STRADA: variants seen among roughly 807,000 people sequenced by gnomAD.
The protein encoded by STRADA is STE20 related adaptor alpha.
Under a neutral mutation model 55.0 loss-of-function variants are expected in STRADA, and 26 were observed. The observed-to-expected ratio is 0.47, with a 90% confidence interval of 0.35 to 0.66. The LOEUF (loss-of-function observed/expected upper bound fraction) is 0.66. Ranked by LOEUF, STRADA falls within the 30% of genes least tolerant of loss-of-function variation. The pLI, the probability that STRADA is intolerant of heterozygous loss-of-function variation, is 0.01. For synonymous variants in STRADA, 197 were observed against 210.9 expected (o/e 0.93, Z 0.57); for missense variants, 443 against 549.7 (o/e 0.81, Z 1.94).
intron 3 of STRADA, chr17:63,726,031 A>G (rs919721829): frequency 6.6e-6 from 1 of 152,228 alleles, no homozygotes; most frequent in African/African-American, 2.4e-5. Context: ...GACACAAAGA[A>G]TGGGGCTCTA....
At position 63,711,230 on chromosome 17, in the gene STRADA, TCA is replaced by T. The variant is rs528074842; in HGVS notation, c.349-396_349-395del. On this transcript the variant is annotated intron_variant, in intron 6 of 12. Coordinates refer to ENST00000336174, the MANE Select transcript of STRADA (RefSeq NM_001003787.4). ...TGTTGTTATTTGTAGAGACAAGGTC[TCA>T]CTGTGTTGCCCAGGCTGGTCTCAAA... Among the ~76,000 whole-genome samples, 816 of 152,370 alleles carry T rather than the reference TCA, an allele frequency of 5.4e-3. 5 individuals carry two copies. Among genetic ancestry groups the T allele is most frequent in the African/African-American group, 0.018 (745 of 41,588 alleles).
chr17:63,708,938 C>T (rs1015916121), intron 8 of STRADA, among the ~76,000 whole-genome samples: 7 of 152,214 alleles, frequency 4.6e-5, no homozygotes, highest in Non-Finnish European at 7.3e-5. Flanking sequence ...TCCCATTCTT[C>T]CTTTTTCACT....
At chr17:63,707,123 C>T (rs1396919369) in intron 9 of STRADA, 124 bp downstream of exon 9, 2 of 1,266,100 alleles carry the variant, frequency 1.6e-6, no homozygotes, top group African/African-American at 3.0e-5. Context: ...CTGAGGGCTC[C>T]CTCCCTCCAG....
Position 63,702,876 on chromosome 17 carries a change from A to G in STRADA, c.*723T>C, listed in dbSNP as rs2035823925. The G allele has an allele frequency of 6.6e-6, 1 of 152,656 alleles. No homozygotes were observed. Among genetic ancestry groups the G allele is most frequent in the African/African-American group, 2.4e-5 (1 of 41,436 alleles). The allele number at this position is 152,656 out of a possible 1,614,324, so 9.5% of individuals were successfully genotyped here. A position where few individuals can be genotyped will look rare whatever the true frequency, so the allele number is the denominator to read the frequency against. On this transcript the variant is annotated 3_prime_UTR_variant, in exon 13 of 13. Transcript: ENST00000336174. The stretch of plus-strand genomic sequence containing the variant: ...AAAATTTTAATTTGTTCTGACAACG[A>G]AACTAACACAGCATAAGGACTTAAG...
At chr17:63,704,606 T>C in intron 10 of STRADA, 24 bp from the exon 11 acceptor site, 2 of 773,370 alleles carry the variant, frequency 2.6e-6, no homozygotes, top group Non-Finnish European at 3.2e-6. Flanking sequence ...AACCAGGACC[T>C]GGGCTGTAGC....
intron 2 of STRADA, 45 bp from the exon 3 acceptor site, chr17:63,726,740 G>C (rs372728876): frequency 6.3e-7 from 1 of 1,594,834 alleles, no homozygotes; most frequent in South Asian, 1.1e-5. Context: ...CTTCCAAGCC[G>C]CAACAAATTA....
chr17:63,728,882 A>T (rs1322653367), intron 1 of STRADA, among the ~76,000 whole-genome samples: 1 of 124,828 alleles, frequency 8.0e-6, no homozygotes, highest in East Asian at 2.1e-4. Flanking sequence ...ACAGAGTGAG[A>T]CTGTCTCAAA....
At chr17:63,711,036 C>T (rs762933118) in intron 6 of STRADA, 200 bp from the exon 7 acceptor site, 159 of 567,642 alleles carry the variant, frequency 2.8e-4, no homozygotes, top group Non-Finnish European at 2.8e-4. Context: ...CACTGCTTTG[C>T]CTCTGCCAGA....
At chr17:63,734,478 T>C (rs2038278824) in intron 1 of STRADA, among the ~76,000 whole-genome samples, 1 of 151,852 alleles carries the variant, frequency 6.6e-6, no homozygotes, top group African/African-American at 2.4e-5. Context: ...ACCCCATCTC[T>C]ATAAAAAATA....
chr17:63,708,014 A>G (rs7210443), intron 8 of STRADA, among the ~76,000 whole-genome samples: 106,276 of 151,756 alleles, frequency 0.7, 38,644 homozygotes, highest in African/African-American at 0.92. Flanking sequence ...TAGGATTACC[A>G]GTGTGAACCA....
At chr17:63,736,974 C>T (rs2038482603) in intron 1 of STRADA, among the ~76,000 whole-genome samples, 2 of 151,580 alleles carry the variant, frequency 1.3e-5, no homozygotes, top group South Asian at 4.2e-4. Flanking sequence ...CATGGCTGGG[C>T]ACAGTGGTCC....
chr17:63,732,002 C>T (rs935964607), intron 1 of STRADA, among the ~76,000 whole-genome samples: 1 of 151,992 alleles, frequency 6.6e-6, no homozygotes, highest in African/African-American at 2.4e-5. Flanking sequence ...GTAGCTGGGA[C>T]TACAGGCGCC....
chr17:63,714,431 G>T, intron 4 of STRADA: 1 of 337,426 alleles, frequency 3.0e-6, no homozygotes, highest in South Asian at 2.4e-5. Flanking sequence ...GGGATGTCTA[G>T]AGAATGAAAG....
intron 4 of STRADA, chr17:63,717,011 A>T (rs1421541923): frequency 2.6e-5 from 4 of 152,270 alleles, no homozygotes; most frequent in Non-Finnish European, 5.9e-5. Flanking sequence ...GCAGCTGAAT[A>T]ATTTCCATCT....
chr17:63,728,351 T>C lies in STRADA; in HGVS notation c.19A>G (p.Lys7Glu), dbSNP rs2037793602. The change falls in exon 2 of 13, where the codon AAA becomes GAA. Residue 7 changes from lysine (K) to glutamate (E), a missense_variant. By Grantham distance (56) the Lys-to-Glu change is moderately conservative (BLOSUM62 1). Transcript: ENST00000336174. ...ACACTCACCCTGATTCGCTCTGGTT[T>C]ACTTACAAGAAATGACATGAGTTCC... is the stretch of plus-strand genomic sequence containing the variant. MSFLVSKPERIRRWVSE... is the reference protein window; with the variant it reads MSFLVSEPERIRRWVSE... 1.2e-6 allele frequency: 2 copies of C among 1,613,432 alleles called. No homozygotes were observed. The highest frequency in any genetic ancestry group is 1.7e-6 in the Non-Finnish European group (2 of 1,179,808).
intron 4 of STRADA, among the ~76,000 whole-genome samples, chr17:63,719,777 C>T (rs1320453640): frequency 6.6e-6 from 1 of 152,120 alleles, no homozygotes; most frequent in African/African-American, 2.4e-5. Flanking sequence ...AGCCATGGCG[C>T]CCGGCAGATA....
chr17:63,738,080 C>T (rs925050311), intron 1 of STRADA, among the ~76,000 whole-genome samples: 2 of 151,722 alleles, frequency 1.3e-5, no homozygotes, highest in African/African-American at 4.8e-5. Flanking sequence ...CGGTGGCTCA[C>T]GCTTATAATC....
intron 1 of STRADA, among the ~76,000 whole-genome samples, chr17:63,736,362 T>C (rs531003680): frequency 6.6e-6 from 1 of 151,808 alleles, no homozygotes; most frequent in South Asian, 2.1e-4. Context: ...GCGCGGTGGC[T>C]CACTCCTGTA....
intron 4 of STRADA, among the ~76,000 whole-genome samples, chr17:63,717,943 T>A (rs1451469180): frequency 6.6e-6 from 1 of 151,864 alleles, no homozygotes; most frequent in Non-Finnish European, 1.5e-5. Flanking sequence ...AAATTATTAT[T>A]ATTATTATTT....
Sources: allele counts gnomAD v4.1 joint callset (sites outside exome capture counted in the v4.1 genomes callset), GRCh38; gene constraint gnomAD v4.1.1; transcripts MANE v1.5; gene names NCBI Gene and HGNC (gene_info 2026-07-23, HGNC 2026-07-21).